Variants in ZNF804A observed in about 807,000 individuals in gnomAD.
The protein encoded by ZNF804A is zinc finger protein 804A.
ZNF804A carries 2 observed loss-of-function variants against 16.5 expected under a neutral mutation model. That is an observed-to-expected ratio of 0.12 (90% confidence interval 0.05 to 0.38). ZNF804A has a LOEUF of 0.38. Among genes scored for constraint, ZNF804A ranks in the 10% least tolerant of loss-of-function variants. The pLI is 0.99. For missense variants in ZNF804A, 1,473 were observed against 1,390.7 expected (o/e 1.06, Z -0.94); for synonymous variants, 534 against 489.6 (o/e 1.09, Z -1.20).
chr2:184,615,631 C>T (rs1691306917), intron 1 of ZNF804A, among the ~76,000 whole-genome samples: 1 of 152,128 alleles, frequency 6.6e-6, no homozygotes, highest in South Asian at 2.1e-4. Context: ...ATGACAGAAT[C>T]CTATCTACAG....
chr2:184,712,410 A>T (rs1280397818), intron 1 of ZNF804A, among the ~76,000 whole-genome samples: 1 of 151,642 alleles, frequency 6.6e-6, no homozygotes, highest in Non-Finnish European at 1.5e-5. Flanking sequence ...GTCTTATTGA[A>T]GCTCTCCCAT....
intron 2 of ZNF804A, among the ~76,000 whole-genome samples, chr2:184,881,612 T>C (rs1482555211): frequency 6.6e-6 from 1 of 152,122 alleles, no homozygotes; most frequent in African/African-American, 2.4e-5. Flanking sequence ...ATTAGGGGTC[T>C]ATATTCAGCA....
chr2:184,649,089 G>C (rs1691933111), intron 1 of ZNF804A, among the ~76,000 whole-genome samples: 1 of 151,924 alleles, frequency 6.6e-6, no homozygotes, highest in Non-Finnish European at 1.5e-5. Context: ...CCATACTCTT[G>C]GAAGATAGTA....
chr2:184,846,690 G>A (rs1200731488), intron 1 of ZNF804A, among the ~76,000 whole-genome samples: 3 of 151,982 alleles, frequency 2.0e-5, no homozygotes, highest in African/African-American at 7.2e-5. Context: ...CTATCCTTCA[G>A]ATTTTTCCAA....
At chr2:184,606,555 G>A (rs571467263) in intron 1 of ZNF804A, among the ~76,000 whole-genome samples, 38 of 152,246 alleles carry the variant, frequency 2.5e-4, no homozygotes, top group Non-Finnish European at 3.8e-4. Context: ...TCTAATGTAG[G>A]TATTGCTATG....
At chr2:184,914,622 T>C (rs1685416854) in intron 2 of ZNF804A, among the ~76,000 whole-genome samples, 2 of 152,118 alleles carry the variant, frequency 1.3e-5, no homozygotes. Flanking sequence ...TTTAAATTCC[T>C]CCATAAAGAA....
At chr2:184,813,641 T>C (rs761681525) in intron 1 of ZNF804A, among the ~76,000 whole-genome samples, 9 of 152,076 alleles carry the variant, frequency 5.9e-5, no homozygotes, top group Non-Finnish European at 1.2e-4. Context: ...AATGAAAGTA[T>C]GCAGTTTTAC....
rs1035777342 is a variant in ZNF804A at position 184,939,397 on chromosome 2, A to G, written c.*371A>G. On this transcript the variant is annotated 3_prime_UTR_variant, in exon 4 of 4. Transcript: ENST00000302277. Reference sequence around the variant, plus strand: ...TTGCACCTATTTAATGTTTAGACAAAGCTGATGGCACTATGTTTTGTATCA... The same window carrying G: ...TTGCACCTATTTAATGTTTAGACAAGGCTGATGGCACTATGTTTTGTATCA... 6.3e-6 allele frequency: 1 copy of G among 158,518 alleles called. No individual in the cohort carries two copies. The allele number at this position is 158,518 out of a possible 1,614,324, so 9.8% of individuals were successfully genotyped here.
chr2:184,915,647 G>C (rs1481965234), intron 2 of ZNF804A, among the ~76,000 whole-genome samples: 1 of 152,070 alleles, frequency 6.6e-6, no homozygotes, highest in Non-Finnish European at 1.5e-5. Context: ...CAGAAAATCA[G>C]TTTTAGACAT....
chr2:184,761,764 G>A (rs1455327178), intron 1 of ZNF804A, among the ~76,000 whole-genome samples: 1 of 152,128 alleles, frequency 6.6e-6, no homozygotes, highest in Non-Finnish European at 1.5e-5. Context: ...TGCACAGAAT[G>A]TAGATGATGT....
At chr2:184,888,521 G>A (rs1684931473) in intron 2 of ZNF804A, among the ~76,000 whole-genome samples, 1 of 152,140 alleles carries the variant, frequency 6.6e-6, no homozygotes, top group South Asian at 2.1e-4. Context: ...CTGTTGGTAT[G>A]TATTCTAAGC....
chr2:184,752,754 A>G (rs528083081), intron 1 of ZNF804A, among the ~76,000 whole-genome samples: 1 of 151,818 alleles, frequency 6.6e-6, no homozygotes, highest in Non-Finnish European at 1.5e-5. Flanking sequence ...GAAAAAATAT[A>G]GTCTAATTAA....
intron 2 of ZNF804A, among the ~76,000 whole-genome samples, chr2:184,871,415 CAAA>C (rs71407821): frequency 9.5e-6 from 1 of 105,772 alleles, no homozygotes. Flanking sequence ...ATTACTCCAG[CAAA>C]AAAAAAAAAA....
chr2:184,668,049 A>C (rs1692278587), intron 1 of ZNF804A, among the ~76,000 whole-genome samples: 1 of 151,822 alleles, frequency 6.6e-6, no homozygotes, highest in South Asian at 2.1e-4. Flanking sequence ...TCAACTTTAC[A>C]AAATAAGGGC....
intron 1 of ZNF804A, among the ~76,000 whole-genome samples, chr2:184,784,404 G>A (rs1215085942): frequency 6.6e-6 from 1 of 151,912 alleles, no homozygotes; most frequent in East Asian, 1.9e-4. Flanking sequence ...TAATGTAAAT[G>A]TGGGGTTATT....
At chr2:184,870,823 G>C (rs1194874637) in intron 2 of ZNF804A, among the ~76,000 whole-genome samples, 1 of 151,824 alleles carries the variant, frequency 6.6e-6, no homozygotes, top group Non-Finnish European at 1.5e-5. Flanking sequence ...TGGTGTGACT[G>C]TTACAAGATG....
chr2:184,765,404 G>A (rs553005078), intron 1 of ZNF804A, among the ~76,000 whole-genome samples: 5 of 152,174 alleles, frequency 3.3e-5, no homozygotes, highest in South Asian at 4.2e-4. Flanking sequence ...CAGACAGACC[G>A]GCACTGCACC....
At chr2:184,746,472 G>C (rs1211457104) in intron 1 of ZNF804A, among the ~76,000 whole-genome samples, 5 of 151,310 alleles carry the variant, frequency 3.3e-5, no homozygotes, top group Non-Finnish European at 7.4e-5. Context: ...TTTGATGCAG[G>C]CTTCCAATCC....
At chr2:184,670,841 C>G (rs114598583) in intron 1 of ZNF804A, among the ~76,000 whole-genome samples, 2,026 of 151,890 alleles carry the variant, frequency 0.013, 42 homozygotes, top group African/African-American at 0.044. Context: ...GTTATAGATT[C>G]ATCTTGAATG....
Sources: allele counts gnomAD v4.1 joint callset (sites outside exome capture counted in the v4.1 genomes callset), GRCh38; gene constraint gnomAD v4.1.1; transcripts MANE v1.5; gene names NCBI Gene and HGNC (gene_info 2026-07-23, HGNC 2026-07-21).